CPEB3: variants seen among roughly 807,000 people sequenced by gnomAD.
CPEB3 encodes cytoplasmic polyadenylation element binding protein 3.
CPEB3 carries 20 observed loss-of-function variants against 67.2 expected under a neutral mutation model. That is an observed-to-expected ratio of 0.30 (90% CI 0.21 to 0.43). The LOEUF (loss-of-function observed/expected upper bound fraction) is 0.43. CPEB3 is among the 20% of genes least tolerant of loss of function. The pLI is 1.00. For synonymous variants in CPEB3, 376 were observed against 393.1 expected (o/e 0.96, Z 0.51); for missense variants, 746 against 968.6 (o/e 0.77, Z 3.05).
chr10:92,167,564 A>T (rs1430648586), intron 4 of CPEB3, among the ~76,000 whole-genome samples: 2 of 152,198 alleles, frequency 1.3e-5, no homozygotes, highest in African/African-American at 4.8e-5. Flanking sequence ...TTATCAATTA[A>T]GTTTGTATCT....
intron 9 of CPEB3, among the ~76,000 whole-genome samples, chr10:92,061,582 A>G (rs1455186140): frequency 6.6e-6 from 1 of 152,208 alleles, no homozygotes; most frequent in East Asian, 1.9e-4. Flanking sequence ...AGCTAGACAC[A>G]GAAAGACAAA....
chr10:92,109,667 G>A (rs186908631), intron 7 of CPEB3, among the ~76,000 whole-genome samples: 2 of 152,174 alleles, frequency 1.3e-5, no homozygotes, highest in African/African-American at 4.8e-5. Flanking sequence ...AAATTACAGT[G>A]GCACTTTTAT....
Position 92,049,631 on chromosome 10 carries a change from T to A in CPEB3, c.*2581A>T, listed in dbSNP as rs774139082. 6.6e-6 allele frequency: 1 copy of A among 152,658 alleles called. No individual in the cohort carries two copies. Among genetic ancestry groups the A allele is most frequent in the South Asian group, 2.1e-4 (1 of 4,836 alleles). The allele number at this position is 152,658 out of a possible 1,614,324, so 9.5% of individuals were successfully genotyped here. On this transcript the variant is annotated 3_prime_UTR_variant, in exon 10 of 10. Coordinates refer to ENST00000265997, the MANE Select transcript of CPEB3 (RefSeq NM_014912.5). ...AAGGGAAAGTAGTTTCCACCATCTA[T>A]TCACAACTTTCAGCACCAAATGGAG...
chr10:92,109,256 ATTTT>A (rs777164003), intron 7 of CPEB3, among the ~76,000 whole-genome samples: 1 of 140,740 alleles, frequency 7.1e-6, no homozygotes, highest in Non-Finnish European at 1.6e-5. Context: ...TTGGGTACAG[ATTTT>A]TTTTTTTTTT....
At position 92,239,201 on chromosome 10, in the gene CPEB3, A is replaced by G. The variant is rs1297384788; in HGVS notation, c.1005+145T>C. On this transcript the variant is annotated intron_variant, in intron 2 of 9. Coordinates refer to ENST00000265997, the MANE Select transcript of CPEB3 (RefSeq NM_014912.5). This position sits in a 1 kb window ranked among gnomAD's most constrained non-coding sequence, Gnocchi z 6.0. ...CATCCTCTGATAATGGAACAGCCCT[A>G]AAGAACTGGAGGCTTCGGAAGGGGA... 2.8e-5 allele frequency: 24 copies of G among 843,158 alleles called. No individual in the cohort carries two copies. Among genetic ancestry groups the G allele is most frequent in the Non-Finnish European group, 3.8e-5 (21 of 547,746 alleles). The allele number at this position is 843,158 out of a possible 1,614,324, so 52.2% of individuals were successfully genotyped here. A position where few individuals can be genotyped will look rare whatever the true frequency, so the allele number is the denominator to read the frequency against.
chr10:92,263,400 C>T (rs370245028), intron 1 of CPEB3, among the ~76,000 whole-genome samples: 12 of 152,026 alleles, frequency 7.9e-5, no homozygotes, highest in African/African-American at 2.9e-4. Context: ...TTTTAATAAA[C>T]CGTAAAGCAG....
intron 6 of CPEB3, among the ~76,000 whole-genome samples, chr10:92,116,245 C>T (rs1409800334): frequency 7.8e-6 from 1 of 128,600 alleles, no homozygotes; most frequent in South Asian, 2.2e-4. Flanking sequence ...TTAAACACAC[C>T]TTCCAGTAAA....
chr10:92,063,895 A>G (rs1842453090), intron 9 of CPEB3, among the ~76,000 whole-genome samples: 1 of 152,218 alleles, frequency 6.6e-6, no homozygotes, highest in East Asian at 1.9e-4. Context: ...AAAAAGAAGC[A>G]GTGAAGCGAT....
chr10:92,205,538 G>A (rs1029580628), intron 2 of CPEB3, among the ~76,000 whole-genome samples: 9 of 141,652 alleles, frequency 6.4e-5, no homozygotes, highest in Admixed American at 3.0e-4. Context: ...GTGCAGTGGC[G>A]TGATCTTAGC....
chr10:92,076,069 C>A (rs1842921431), intron 9 of CPEB3, among the ~76,000 whole-genome samples: 1 of 152,192 alleles, frequency 6.6e-6, no homozygotes, highest in African/African-American at 2.4e-5. Context: ...AGGTGGCCCA[C>A]TCCCACTCTC....
rs759550150 is a variant in CPEB3, at chr10:92,239,424, C to G, written c.927G>C (p.Ala309=). 1.2e-6 allele frequency: 2 copies of G among 1,603,060 alleles called. No homozygotes were observed. The highest frequency in any genetic ancestry group is 1.7e-6 in the Non-Finnish European group (2 of 1,174,636). Residue 309 remains alanine (A), a synonymous_variant, in exon 2 of 10, where the codon GCG becomes GCC. Transcript: ENST00000265997. This position sits in a 1 kb window ranked among gnomAD's most constrained non-coding sequence, Gnocchi z 6.0. ...TCCAGGACTTGGAAGTGAGAGGGGC[C>G]GCGCGAGGGAACTTGGGCGGCGCGA... is the stretch of plus-strand genomic sequence containing the variant. ...NVIAPPKFPR[A]APLTSKSWME...
In CPEB3 at chr10:92,240,289, CGCT is replaced by C. The variant is rs749967338; in HGVS notation, c.59_61del (p.Gln20del). 64 of 1,514,106 alleles carry C rather than the reference CGCT, an allele frequency of 4.2e-5. No homozygotes were observed. The highest frequency in any genetic ancestry group is 9.0e-5 in the Admixed American group (4 of 44,664). 93.8% of individuals were successfully genotyped at this position (1,514,106 alleles called of 1,614,324 possible). ...CTCAGGTTGGGGCTGCTGCTGCTGC[CGCT>C]GCTGCTGCTGGGGCTGGGGCTGGGT... On this transcript the variant is annotated inframe_deletion, in exon 2 of 10. Transcript: ENST00000265997.
chr10:92,073,436 C>A (rs1306281299), intron 9 of CPEB3, among the ~76,000 whole-genome samples: 2 of 151,936 alleles, frequency 1.3e-5, no homozygotes, highest in African/African-American at 2.4e-5. Flanking sequence ...GGTGGATCAC[C>A]TAGGGTTAGG....
At chr10:92,225,733 C>T (rs1640618792) in intron 2 of CPEB3, among the ~76,000 whole-genome samples, 1 of 152,096 alleles carries the variant, frequency 6.6e-6, no homozygotes, top group Admixed American at 6.6e-5. Context: ...TTACATTACA[C>T]AGACACAAAA....
intron 1 of CPEB3, among the ~76,000 whole-genome samples, chr10:92,252,131 T>C (rs367683998): frequency 6.0e-5 from 9 of 151,196 alleles, no homozygotes; most frequent in African/African-American, 2.2e-4. Flanking sequence ...CCCCCAAGAA[T>C]AGGCAAAAGA....
At chr10:92,229,468 A>G (rs1282603810) in intron 2 of CPEB3, among the ~76,000 whole-genome samples, 1 of 152,244 alleles carries the variant, frequency 6.6e-6, no homozygotes, top group Non-Finnish European at 1.5e-5. Context: ...TAACTCCAAA[A>G]GAATGAGTTG....
intron 1 of CPEB3, among the ~76,000 whole-genome samples, chr10:92,250,813 C>T (rs1273919723): frequency 6.6e-6 from 1 of 151,888 alleles, no homozygotes; most frequent in African/African-American, 2.4e-5. Context: ...GCTTAGCATC[C>T]CAAGTAGCTG....
chr10:92,156,081 C>T lies in CPEB3; in HGVS notation c.1223-10996G>A, dbSNP rs1847195183. 2.0e-5 allele frequency among the ~76,000 whole-genome samples: 3 copies of T among 152,106 alleles called. No individual in the cohort carries two copies. The South Asian group carries it at 6.2e-4, about 32-fold the overall frequency. Reference sequence around the variant, plus strand: ...GCCCAGTGTTAGGCACTAGAGACAACTATCCTCAAAGAACTTATCCCAGAT... The same window carrying T: ...GCCCAGTGTTAGGCACTAGAGACAATTATCCTCAAAGAACTTATCCCAGAT... On this transcript the variant is annotated intron_variant, in intron 4 of 9. Transcript: ENST00000265997.
At chr10:92,208,284 T>C (rs2134311357) in intron 2 of CPEB3, among the ~76,000 whole-genome samples, 1 of 152,300 alleles carries the variant, frequency 6.6e-6, no homozygotes, top group South Asian at 2.1e-4. Context: ...AGGCTACACA[T>C]TTTACAAGTC....
Sources: gnomAD v4.1 joint callset for allele counts (sites outside exome capture counted in the v4.1 genomes callset) on GRCh38, gnomAD v4.1.1 for gene constraint, Gnocchi (gnomAD v3.1) non-coding constraint, MANE v1.5 for transcripts, NCBI Gene and HGNC (gene_info 2026-07-23, HGNC 2026-07-21) for gene names.